Variants in SPATA17 observed in about 807,000 individuals in gnomAD.
The protein encoded by SPATA17 is spermatogenesis associated 17.
Under a neutral mutation model 62.2 loss-of-function variants are expected in SPATA17, and 53 were observed. That is an observed-to-expected ratio of 0.85 (90% CI 0.68 to 1.07). The LOEUF (loss-of-function observed/expected upper bound fraction) is 1.07, where lower values mean the gene tolerates loss of function less well. SPATA17 is among the 50% of genes least tolerant of loss of function. The pLI, the probability that SPATA17 is intolerant of heterozygous loss-of-function variation, is 0.00. For synonymous variants in SPATA17, 146 were observed against 146.8 expected (o/e 0.99, Z 0.04); for missense variants, 466 against 425.5 (o/e 1.10, Z -0.84).
chr1:217,767,535 T>C (rs1361369779), intron 6 of SPATA17, among the ~76,000 whole-genome samples: 2 of 152,192 alleles, frequency 1.3e-5, no homozygotes. Flanking sequence ...CCACAGCTCT[T>C]GGATATTCTG....
At chr1:217,849,657 G>A (rs1675604072) in intron 9 of SPATA17, among the ~76,000 whole-genome samples, 1 of 152,106 alleles carries the variant, frequency 6.6e-6, no homozygotes, top group South Asian at 2.1e-4. Flanking sequence ...TTAATTTTCA[G>A]TATAGTGTCA....
chr1:217,708,000 A>C (rs909898214), intron 5 of SPATA17, among the ~76,000 whole-genome samples: 7 of 152,224 alleles, frequency 4.6e-5, no homozygotes, highest in Non-Finnish European at 8.8e-5. Context: ...GAATTCTTTG[A>C]AACTGATGAG....
At chr1:217,837,999 G>A (rs759920214) in intron 9 of SPATA17, among the ~76,000 whole-genome samples, 9 of 152,046 alleles carry the variant, frequency 5.9e-5, no homozygotes, top group Non-Finnish European at 8.8e-5. Flanking sequence ...TGTTGTAAGT[G>A]TAAAATACAC....
At chr1:217,672,294 A>T (rs1257589695) in intron 4 of SPATA17, among the ~76,000 whole-genome samples, 1 of 152,246 alleles carries the variant, frequency 6.6e-6, no homozygotes, top group Non-Finnish European at 1.5e-5. Context: ...ACTAGAAGTG[A>T]TTTAAACATG....
chr1:217,648,867 A>T lies in SPATA17; in HGVS notation c.69-15A>T. 1 of 1,562,098 alleles carries T rather than the reference A, an allele frequency of 6.4e-7. No individual in the cohort carries two copies. Among genetic ancestry groups the T allele is most frequent in the South Asian group, 1.2e-5 (1 of 83,798 alleles). ...TTAGTTACTAATGAAGTGCTTTTTA[A>T]ACATTTTGTTTTAGTGTTGTAGATC... On this transcript the variant is annotated splice_polypyrimidine_tract_variant and intron_variant, in intron 1 of 10. Transcript: ENST00000366933.
At chr1:217,861,574 ATATG>A (rs1675897949) in intron 9 of SPATA17, among the ~76,000 whole-genome samples, 1 of 152,184 alleles carries the variant, frequency 6.6e-6, no homozygotes, top group East Asian at 1.9e-4. Context: ...ATTGTTGCAA[ATATG>A]TGTTGATTTC....
intron 9 of SPATA17, among the ~76,000 whole-genome samples, chr1:217,860,989 G>A (rs369332566): frequency 6.6e-6 from 1 of 151,744 alleles, no homozygotes; most frequent in African/African-American, 2.4e-5. Flanking sequence ...TTTTTCTGTA[G>A]CGATTGTTCT....
intron 6 of SPATA17, among the ~76,000 whole-genome samples, chr1:217,765,394 G>A (rs1031767684): frequency 6.6e-6 from 1 of 151,312 alleles, no homozygotes; most frequent in African/African-American, 2.4e-5. Context: ...TCTAATATAT[G>A]CATTCAATGC....
At chr1:217,705,756 T>A (rs1476652052) in intron 5 of SPATA17, among the ~76,000 whole-genome samples, 1 of 152,152 alleles carries the variant, frequency 6.6e-6, no homozygotes, top group Admixed American at 6.6e-5. Context: ...GATTTTTAAT[T>A]TTTGTTGCAA....
intron 9 of SPATA17, among the ~76,000 whole-genome samples, chr1:217,807,462 T>A (rs1674465641): frequency 6.6e-6 from 1 of 152,180 alleles, no homozygotes. Flanking sequence ...AGGACATTCC[T>A]AAGAGAGTTT....
chr1:217,836,470 C>T (rs1405063116), intron 9 of SPATA17, among the ~76,000 whole-genome samples: 1 of 152,040 alleles, frequency 6.6e-6, no homozygotes, highest in Non-Finnish European at 1.5e-5. Context: ...AGATACATTC[C>T]GGGGAATGCT....
At chr1:217,714,402 A>T (rs1336227832) in intron 5 of SPATA17, among the ~76,000 whole-genome samples, 1 of 151,842 alleles carries the variant, frequency 6.6e-6, no homozygotes, top group Non-Finnish European at 1.5e-5. Context: ...AAAAACAAAC[A>T]AGCAAAATAT....
chr1:217,711,742 A>G (rs1671870456), intron 5 of SPATA17, among the ~76,000 whole-genome samples: 1 of 152,224 alleles, frequency 6.6e-6, no homozygotes, highest in Admixed American at 6.5e-5. Flanking sequence ...TTAGTCCACA[A>G]TGCAAGTCTA....
intron 5 of SPATA17, among the ~76,000 whole-genome samples, chr1:217,697,677 A>C (rs1183376651): frequency 6.6e-6 from 1 of 151,964 alleles, no homozygotes. Context: ...GATTTTCTAT[A>C]ACTTTTTTTA....
At chr1:217,712,127 TC>T (rs1558575865) in intron 5 of SPATA17, among the ~76,000 whole-genome samples, 3 of 126,600 alleles carry the variant, frequency 2.4e-5, no homozygotes, top group Non-Finnish European at 3.6e-5. Context: ...TACAATATGT[TC>T]TTTTGTTTTT....
At chr1:217,637,043 C>T (rs1303829568) in intron 1 of SPATA17, among the ~76,000 whole-genome samples, 3 of 152,104 alleles carry the variant, frequency 2.0e-5, no homozygotes, top group Non-Finnish European at 4.4e-5. Flanking sequence ...TCTCTAGAGA[C>T]ATGCTATATA....
intron 5 of SPATA17, among the ~76,000 whole-genome samples, chr1:217,703,150 C>G (rs949582009): frequency 6.8e-6 from 1 of 146,228 alleles, no homozygotes; most frequent in African/African-American, 2.6e-5. Flanking sequence ...GCTGGGATTA[C>G]AGGCGTGAGC....
At chr1:217,734,848 A>G (rs1474696001) in intron 5 of SPATA17, among the ~76,000 whole-genome samples, 2 of 152,240 alleles carry the variant, frequency 1.3e-5, no homozygotes, top group Middle Eastern at 3.4e-3. Context: ...CACCTCCAGA[A>G]TGTTTAATTA....
At chr1:217,735,241 A>G (rs1672485970) in intron 5 of SPATA17, among the ~76,000 whole-genome samples, 1 of 152,166 alleles carries the variant, frequency 6.6e-6, no homozygotes, top group Non-Finnish European at 1.5e-5. Flanking sequence ...AACAAGAGAA[A>G]TTTGTTTCTC....
Sources: allele counts gnomAD v4.1 joint callset (sites outside exome capture counted in the v4.1 genomes callset), GRCh38; gene constraint gnomAD v4.1.1; transcripts MANE v1.5; gene names NCBI Gene and HGNC (gene_info 2026-07-23, HGNC 2026-07-21).